Variants in LINGO2 observed in about 807,000 individuals in gnomAD.
The protein encoded by LINGO2 is leucine-rich repeat and immunoglobulin-like domain-containing nogo receptor-interacting protein 2.
Under a neutral mutation model 30.6 loss-of-function variants are expected in LINGO2, and 14 were observed. The ratio of observed to expected loss-of-function variants is 0.46; its 90% CI spans 0.30 to 0.72. The LOEUF (loss-of-function observed/expected upper bound fraction) is 0.72. LINGO2 is among the 30% of genes least tolerant of loss of function. The pLI is 0.07. For synonymous variants in LINGO2, 317 were observed against 288.5 expected (o/e 1.10, Z -1.00); for missense variants, 729 against 751.7 (o/e 0.97, Z 0.35).
the LINGO2 span, among the ~76,000 whole-genome samples, chr9:29,105,919 A>T: frequency 6.6e-6 from 1 of 152,156 alleles, no homozygotes; most frequent in Non-Finnish European, 1.5e-5. Flanking sequence ...AGTCTGAAAG[A>T]ACTTAGAAGC....
chr9:29,021,440 G>A, the LINGO2 span, among the ~76,000 whole-genome samples: 1 of 152,120 alleles, frequency 6.6e-6, no homozygotes, highest in Non-Finnish European at 1.5e-5. Context: ...GGCGGATCAT[G>A]AGGTCAGGTG....
chr9:28,413,652 C>A (rs950642081), intron 2 of LINGO2, among the ~76,000 whole-genome samples: 1 of 152,050 alleles, frequency 6.6e-6, no homozygotes, highest in African/African-American at 2.4e-5. Context: ...CTCCATTATG[C>A]TGAAGGGTTC....
At chr9:28,667,120 G>A (rs969032409) in intron 1 of LINGO2, among the ~76,000 whole-genome samples, 2 of 152,156 alleles carry the variant, frequency 1.3e-5, no homozygotes, top group African/African-American at 4.8e-5. Flanking sequence ...TCCGTGAGAA[G>A]TACTTGGCTG....
At chr9:28,250,485 G>A (rs1324843489) in intron 4 of LINGO2, among the ~76,000 whole-genome samples, 3 of 152,078 alleles carry the variant, frequency 2.0e-5, no homozygotes, top group South Asian at 2.1e-4. Context: ...AAAGAAGCCC[G>A]AACAAGTCAG....
chr9:28,610,370 C>T (rs571161449), intron 1 of LINGO2, among the ~76,000 whole-genome samples: 3 of 152,108 alleles, frequency 2.0e-5, no homozygotes, highest in Non-Finnish European at 4.4e-5. Flanking sequence ...CTCCAATTAT[C>T]ATGGGCACAT....
chr9:28,556,915 A>T (rs1282655909), intron 1 of LINGO2, among the ~76,000 whole-genome samples: 1 of 152,170 alleles, frequency 6.6e-6, no homozygotes, highest in African/African-American at 2.4e-5. Flanking sequence ...CCTATTTAAT[A>T]AATGGTGCTG....
the LINGO2 span, among the ~76,000 whole-genome samples, chr9:28,745,850 C>T: frequency 2.0e-5 from 3 of 151,968 alleles, no homozygotes; most frequent in East Asian, 1.9e-4. Flanking sequence ...CATTTCATAG[C>T]GGTATCACTT....
At chr9:28,143,529 G>A (rs1563999398) in intron 4 of LINGO2, among the ~76,000 whole-genome samples, 1 of 152,120 alleles carries the variant, frequency 6.6e-6, no homozygotes, top group Non-Finnish European at 1.5e-5. Context: ...AGGAAAATGG[G>A]CAAATGGGCT....
intron 2 of LINGO2, among the ~76,000 whole-genome samples, chr9:28,399,905 T>C (rs1822191933): frequency 6.6e-6 from 1 of 152,214 alleles, no homozygotes; most frequent in Admixed American, 6.5e-5. Context: ...AGGCATCTGT[T>C]GAAGAATCAA....
intron 4 of LINGO2, among the ~76,000 whole-genome samples, chr9:28,264,063 G>GT (rs1228741016): frequency 1.7e-5 from 2 of 121,150 alleles, no homozygotes; most frequent in Non-Finnish European, 4.2e-5. Flanking sequence ...CTGCTGTGAA[G>GT]TAAAAAAAAA....
intron 1 of LINGO2, among the ~76,000 whole-genome samples, chr9:28,588,891 G>A (rs1258304728): frequency 6.6e-6 from 1 of 152,056 alleles, no homozygotes; most frequent in African/African-American, 2.4e-5. Context: ...CAGAAAGCCT[G>A]AGACATAGTG....
chr9:29,101,344 G>C, the LINGO2 span, among the ~76,000 whole-genome samples: 1 of 152,142 alleles, frequency 6.6e-6, no homozygotes, highest in Non-Finnish European at 1.5e-5. Context: ...ATTCAGTGTA[G>C]GGTAAATCTA....
intron 5 of LINGO2, among the ~76,000 whole-genome samples, chr9:27,996,137 A>G (rs1255231945): frequency 6.6e-6 from 1 of 152,146 alleles, no homozygotes; most frequent in African/African-American, 2.4e-5. Context: ...ACAGAAAATA[A>G]CAGATACTGG....
At chr9:28,516,094 A>G (rs7872380) in intron 1 of LINGO2, among the ~76,000 whole-genome samples, 148,632 of 152,306 alleles carry the variant, frequency 0.98, 72,626 homozygotes, top group Middle Eastern at 1. Context: ...ATTATGGTAT[A>G]TACATTTTTA....
At chr9:28,161,959 A>AT (rs1368582331) in intron 4 of LINGO2, among the ~76,000 whole-genome samples, 1 of 152,176 alleles carries the variant, frequency 6.6e-6, no homozygotes, top group Non-Finnish European at 1.5e-5. Context: ...TCATTAATAT[A>AT]TTTTTAATAG....
rs556004946 is a variant in LINGO2 at position 28,135,245 on chromosome 9, A to C, written c.-86-122840T>G. On this transcript the variant is annotated intron_variant, in intron 4 of 5. Coordinates refer to ENST00000379992, the Ensembl canonical transcript of LINGO2. ...GTGATTGCTATGAAAGAAGACCCTAAAGAGGAAATATAAGAACTCAAGGAA... is the reference window on the plus strand; with the variant it reads ...GTGATTGCTATGAAAGAAGACCCTACAGAGGAAATATAAGAACTCAAGGAA... 4.6e-5 allele frequency among the ~76,000 whole-genome samples: 7 copies of C among 152,312 alleles called. No homozygotes were observed. The South Asian group carries it at 1.5e-3, about 32-fold the overall frequency.
rs549465428 is a variant in LINGO2, at chr9:28,141,843, C to T, written c.-86-129438G>A. On this transcript the variant is annotated intron_variant, in intron 4 of 5. Coordinates refer to ENST00000379992, the Ensembl canonical transcript of LINGO2. ...AGGAGAATCACTTGAACCCGGGAAG[C>T]GGAGGGTGCAGTGAGCCGAGATCGC... is the stretch of plus-strand genomic sequence containing the variant. Among the ~76,000 whole-genome samples, 13 of 152,216 alleles carry T rather than the reference C, an allele frequency of 8.5e-5. No individual in the cohort carries two copies. In the East Asian group the frequency reaches 1.9e-3, roughly 23 times the overall value.
chr9:27,996,028 G>GA (rs560435584), intron 5 of LINGO2, among the ~76,000 whole-genome samples: 3 of 151,560 alleles, frequency 2.0e-5, no homozygotes, highest in Admixed American at 6.6e-5. Flanking sequence ...TGCAGTAAAT[G>GA]AAAAAAAATG....
At chr9:28,441,848 G>A (rs777336292) in intron 2 of LINGO2, among the ~76,000 whole-genome samples, 18 of 151,914 alleles carry the variant, frequency 1.2e-4, no homozygotes, top group Non-Finnish European at 1.9e-4. Flanking sequence ...AAGTCTCTGT[G>A]GCTGTAAAAA....
Sources: gnomAD v4.1 joint callset for allele counts (sites outside exome capture counted in the v4.1 genomes callset) on GRCh38, gnomAD v4.1.1 for gene constraint, MANE v1.5 for transcripts, NCBI Gene and HGNC (gene_info 2026-07-23, HGNC 2026-07-21) for gene names.